REPS2: variants seen among roughly 807,000 people sequenced by gnomAD.
The protein encoded by REPS2 is RALBP1 associated Eps domain containing 2.
Under a neutral mutation model 53.6 loss-of-function variants are expected in REPS2, and 23 were observed. The observed-to-expected ratio is 0.43, with a 90% CI of 0.31 to 0.61. The LOEUF (loss-of-function observed/expected upper bound fraction) is 0.61. Ranked by LOEUF, REPS2 falls within the 20% of genes least tolerant of loss-of-function variation. The probability of loss-of-function intolerance (pLI) is 0.11; values close to 1 mark genes in which losing one functional copy is unlikely to be tolerated. For missense variants in REPS2, 446 were observed against 534.9 expected, an observed-to-expected ratio of 0.83 and a Z score of 1.64; for synonymous variants, 238 against 218.6, an observed-to-expected ratio of 1.09 and a Z score of -0.78.
At chrX:17,062,367 A>G in intron 8 of REPS2, 71 bp from the exon 9 acceptor site, 1 of 811,811 alleles carries the variant, frequency 1.2e-6, no homozygotes, top group South Asian at 2.4e-5. Context: ...AAGCACAGAA[A>G]AGCTGATGGG....
At chrX:17,140,233 G>A (rs1160546335) in intron 17 of REPS2, among the ~76,000 whole-genome samples, 1 of 111,066 alleles carries the variant, frequency 9.0e-6, no homozygotes, top group Non-Finnish European at 1.9e-5. Context: ...ATCCAATAGG[G>A]CTGTTTTAAT....
In REPS2 at chrX:16,946,719, C is replaced by T. The variant is rs1380236784; in HGVS notation, c.-143C>T. On this transcript the variant is annotated 5_prime_UTR_variant, in exon 1 of 18. Transcript: ENST00000357277. Reference sequence around the variant, plus strand: ...GGAGGAAGCGGCCGCGCGGCAGCTGCGGGGCGTGGGGGTGGTGGTGGCGGC... The same window carrying T: ...GGAGGAAGCGGCCGCGCGGCAGCTGTGGGGCGTGGGGGTGGTGGTGGCGGC... 5 of 638,651 alleles carry T rather than the reference C, an allele frequency of 7.8e-6. No individual in the cohort carries two copies. The East Asian group carries it at 6.9e-4, about 89-fold the overall frequency. The allele number at this position is 638,651 out of a possible 1,213,427, so 52.6% of individuals were successfully genotyped here. A position where few individuals can be genotyped will look rare whatever the true frequency, so the allele number is the denominator to read the frequency against.
At chrX:17,142,408 C>G (rs1388920374) in intron 17 of REPS2, among the ~76,000 whole-genome samples, 1 of 111,293 alleles carries the variant, frequency 9.0e-6, no homozygotes, top group Non-Finnish European at 1.9e-5. Flanking sequence ...AATTAAGAGA[C>G]AAGCTGCTGA....
At chrX:17,130,778 A>T (rs949424561) in intron 14 of REPS2, among the ~76,000 whole-genome samples, 1 of 111,960 alleles carries the variant, frequency 8.9e-6, no homozygotes, top group African/African-American at 3.2e-5. Context: ...AGCTTTGGAA[A>T]TCAAGGCCTG....
the REPS2 span, among the ~76,000 whole-genome samples, chrX:17,195,850 C>G: frequency 8.9e-6 from 1 of 112,214 alleles, no homozygotes; most frequent in African/African-American, 3.2e-5. Flanking sequence ...AAGGTTTATG[C>G]GAAATGCAAT....
chrX:17,009,302 G>T (rs763743720), intron 2 of REPS2, among the ~76,000 whole-genome samples: 2 of 111,325 alleles, frequency 1.8e-5, no homozygotes, highest in Admixed American at 1.9e-4. Context: ...GGGACTACAG[G>T]CATGCGCCAC....
chrX:17,088,409 G>A (rs765889532), intron 13 of REPS2, among the ~76,000 whole-genome samples: 19 of 110,411 alleles, frequency 1.7e-4, no homozygotes, highest in African/African-American at 4.9e-4. Flanking sequence ...CCCTTATTGC[G>A]TATCCTATGG....
At position 17,100,360 on chromosome X, in the gene REPS2, G is replaced by A. The variant is rs769072138; in HGVS notation, c.1517-3358G>A. 18 of 473,756 alleles carry A rather than the reference G, an allele frequency of 3.8e-5. No individual in the cohort carries two copies. The South Asian group carries it at 6.4e-4, about 17-fold the overall frequency. The allele number at this position is 473,756 out of a possible 1,213,427, so 39.0% of individuals were successfully genotyped here. On this transcript the variant is annotated intron_variant, in intron 13 of 17. Coordinates refer to ENST00000357277, the MANE Select transcript of REPS2 (RefSeq NM_004726.3). ...TGATGCTGCTCAGAGCAGTGCCCAGGAGCCGGAAAGGAATCGGTGCTGCGC... is the reference window on the plus strand; with the variant it reads ...TGATGCTGCTCAGAGCAGTGCCCAGAAGCCGGAAAGGAATCGGTGCTGCGC...
At chrX:17,031,876 T>A (rs961990159) in intron 5 of REPS2, among the ~76,000 whole-genome samples, 1 of 112,409 alleles carries the variant, frequency 8.9e-6, no homozygotes, top group Admixed American at 9.4e-5. Context: ...ACAGCTATCT[T>A]ATGAAATAAT....
chrX:17,154,020 G>C (rs2063592496), downstream of REPS2, among the ~76,000 whole-genome samples: 1 of 111,569 alleles, frequency 9.0e-6, no homozygotes, highest in Non-Finnish European at 1.9e-5. Context: ...TATTAGAAAT[G>C]CAAATTCTTG....
At chrX:16,958,726 T>C (rs2060626235) in intron 1 of REPS2, among the ~76,000 whole-genome samples, 1 of 112,178 alleles carries the variant, frequency 8.9e-6, no homozygotes, top group Non-Finnish European at 1.9e-5. Context: ...CTTTTGTTGT[T>C]CTAACCCAAC....
chrX:17,012,157 A>G (rs1306000988), intron 2 of REPS2, among the ~76,000 whole-genome samples: 1 of 110,080 alleles, frequency 9.1e-6, no homozygotes, highest in Non-Finnish European at 1.9e-5. Flanking sequence ...AGGAGGGTGG[A>G]TCACGAGGTC....
intron 14 of REPS2, among the ~76,000 whole-genome samples, chrX:17,121,929 T>A (rs1406026645): frequency 9.0e-6 from 1 of 111,515 alleles, no homozygotes; most frequent in Non-Finnish European, 1.9e-5. Context: ...TTTTGTATTT[T>A]AGTAGAGATG....
intron 5 of REPS2, among the ~76,000 whole-genome samples, chrX:17,046,144 T>A (rs1471894442): frequency 3.7e-5 from 4 of 107,026 alleles, no homozygotes; most frequent in African/African-American, 1.4e-4. Context: ...TCATCTTTTT[T>A]ATTTATTTTT....
intron 13 of REPS2, among the ~76,000 whole-genome samples, chrX:17,082,154 C>T: frequency 8.9e-6 from 1 of 112,157 alleles, no homozygotes; most frequent in East Asian, 2.8e-4. Context: ...CCTGAGGTTT[C>T]CATGGTGACA....
intron 8 of REPS2, among the ~76,000 whole-genome samples, chrX:17,060,028 G>A (rs112273299): frequency 0.053 from 2,873 of 53,752 alleles, 100 homozygotes; most frequent in African/African-American, 0.19. Context: ...CAGCTGGGTG[G>A]GGTGGCTCAC....
chrX:16,954,732 G>A (rs1015097034), intron 1 of REPS2, among the ~76,000 whole-genome samples: 3 of 110,902 alleles, frequency 2.7e-5, no homozygotes, highest in Admixed American at 1.9e-4. Context: ...CCTAAGTAGG[G>A]GCTGTCCTAT....
At chrX:16,963,114 A>C (rs1388814266) in intron 1 of REPS2, among the ~76,000 whole-genome samples, 1 of 111,137 alleles carries the variant, frequency 9.0e-6, no homozygotes, top group Non-Finnish European at 1.9e-5. Flanking sequence ...AAAAAAAAAG[A>C]TTAAAAAATA....
At chrX:17,187,341 G>C in the REPS2 span, among the ~76,000 whole-genome samples, 1 of 111,991 alleles carries the variant, frequency 8.9e-6, no homozygotes, top group Admixed American at 9.5e-5. Flanking sequence ...ACACAGCCAA[G>C]AAGAGGGAAG....
Sources: gnomAD v4.1 joint callset for allele counts (sites outside exome capture counted in the v4.1 genomes callset) on GRCh38, gnomAD v4.1.1 for gene constraint, MANE v1.5 for transcripts, NCBI Gene and HGNC (gene_info 2026-07-23, HGNC 2026-07-21) for gene names.